PPARG: variants seen among roughly 807,000 people sequenced by gnomAD.
The protein encoded by PPARG is peroxisome proliferator activated receptor gamma.
Under a neutral mutation model 39.2 loss-of-function variants are expected in PPARG, and 17 were observed. The ratio of observed to expected loss-of-function variants is 0.43; its 90% CI spans 0.30 to 0.65. PPARG has a LOEUF of 0.65. Ranked by LOEUF, PPARG falls within the 30% of genes least tolerant of loss-of-function variation. The pLI, the probability that PPARG is intolerant of heterozygous loss-of-function variation, is 0.13. For missense variants in PPARG, 406 were observed against 585.9 expected, an observed-to-expected ratio of 0.69 and a Z score of 3.17; for synonymous variants, 223 against 215.7, an observed-to-expected ratio of 1.03 and a Z score of -0.30.
intron 2 of PPARG, among the ~76,000 whole-genome samples, chr3:12,367,488 C>T (rs575997049): frequency 3.3e-5 from 5 of 152,080 alleles, no homozygotes; most frequent in African/African-American, 7.2e-5. Flanking sequence ...TGTCCTGATA[C>T]CTCAGGACCA....
intron 2 of PPARG, among the ~76,000 whole-genome samples, chr3:12,371,504 C>T (rs1039171647): frequency 1.5e-4 from 23 of 152,156 alleles, no homozygotes; most frequent in East Asian, 5.8e-4. Flanking sequence ...TTTAGTTCTT[C>T]GCATTTTATT....
At chr3:12,423,994 T>G (rs1264835705) in intron 7 of PPARG, among the ~76,000 whole-genome samples, 2 of 152,222 alleles carry the variant, frequency 1.3e-5, no homozygotes, top group Non-Finnish European at 2.9e-5. Flanking sequence ...TCTGCCTAGC[T>G]TCTGAGGCTC....
At chr3:12,366,759 G>T (rs565274337) in intron 2 of PPARG, among the ~76,000 whole-genome samples, 1 of 152,126 alleles carries the variant, frequency 6.6e-6, no homozygotes, top group Non-Finnish European at 1.5e-5. Context: ...CTTGGCCATG[G>T]TGTATAATTC....
chr3:12,412,941 A>G (rs185249638), intron 6 of PPARG, among the ~76,000 whole-genome samples: 94 of 152,312 alleles, frequency 6.2e-4, no homozygotes, highest in Non-Finnish European at 8.8e-5. Flanking sequence ...CTAGAAGTGT[A>G]AAATCATTAA....
intron 2 of PPARG, among the ~76,000 whole-genome samples, chr3:12,334,324 G>A (rs1264591582): frequency 1.3e-5 from 2 of 151,012 alleles, no homozygotes; most frequent in African/African-American, 4.9e-5. Context: ...TCTGCCTCCC[G>A]GGTTCAAACA....
At chr3:12,397,318 A>G (rs1192013731) in intron 5 of PPARG, among the ~76,000 whole-genome samples, 2 of 150,880 alleles carry the variant, frequency 1.3e-5, no homozygotes, top group African/African-American at 4.8e-5. Context: ...TCTAGTGTAT[A>G]TTGAGAAAAG....
At chr3:12,411,297 T>A (rs1296415289) in intron 6 of PPARG, among the ~76,000 whole-genome samples, 1 of 152,166 alleles carries the variant, frequency 6.6e-6, no homozygotes, top group Middle Eastern at 3.2e-3. Flanking sequence ...AGAGCTGTGG[T>A]TATGTGCTAG....
intron 2 of PPARG, chr3:12,351,564 A>G (rs575440954): frequency 6.6e-7 from 1 of 1,523,122 alleles, no homozygotes; most frequent in Non-Finnish European, 9.1e-7. Flanking sequence ...ATCAGTGTGA[A>G]TTACAGCAAA....
chr3:12,314,445 G>C (rs1163225202), intron 2 of PPARG, among the ~76,000 whole-genome samples: 19 of 152,066 alleles, frequency 1.2e-4, no homozygotes, highest in Admixed American at 1.2e-3. Flanking sequence ...ACATGATCAA[G>C]GTCAATATCA....
intron 1 of PPARG, among the ~76,000 whole-genome samples, chr3:12,307,097 C>CAAAAAA (rs11323214): frequency 2.4e-5 from 2 of 83,892 alleles, no homozygotes; most frequent in Non-Finnish European, 4.4e-5. Flanking sequence ...GACTCCGTCT[C>CAAAAAA]AAAAAAAAAA....
intron 1 of PPARG, among the ~76,000 whole-genome samples, chr3:12,304,051 A>G (rs2046995776): frequency 1.3e-5 from 2 of 152,400 alleles, no homozygotes; most frequent in South Asian, 2.1e-4. Flanking sequence ...TAAAGCAAGT[A>G]CTATTCTCTA....
chr3:12,348,915 A>G (rs1224783347), intron 2 of PPARG, among the ~76,000 whole-genome samples: 1 of 152,188 alleles, frequency 6.6e-6, no homozygotes, highest in African/African-American at 2.4e-5. Context: ...CCTTCCAATC[A>G]GTATTATAAA....
intron 2 of PPARG, among the ~76,000 whole-genome samples, chr3:12,321,365 T>C (rs2047539512): frequency 6.6e-6 from 1 of 152,196 alleles, no homozygotes; most frequent in South Asian, 2.1e-4. Flanking sequence ...GGAATAAAAG[T>C]AATAGCAACA....
intron 2 of PPARG, among the ~76,000 whole-genome samples, chr3:12,334,282 G>A (rs2047947897): frequency 6.6e-6 from 1 of 150,564 alleles, no homozygotes; most frequent in South Asian, 2.1e-4. Context: ...CCTGGCTGGA[G>A]TGCAGTGGTA....
intron 3 of PPARG, among the ~76,000 whole-genome samples, chr3:12,381,040 T>TA (rs535444760): frequency 7.0e-4 from 106 of 152,342 alleles, no homozygotes; most frequent in African/African-American, 2.4e-3. Flanking sequence ...TGTTGTCTGT[T>TA]ACAGCTGTAG....
chr3:12,320,384 T>C (rs1173885745), intron 2 of PPARG, among the ~76,000 whole-genome samples: 2 of 152,232 alleles, frequency 1.3e-5, no homozygotes, highest in African/African-American at 2.4e-5. Flanking sequence ...CTGGTAATAA[T>C]GTGTTTTCAT....
intron 2 of PPARG, chr3:12,351,370 T>C: frequency 1.7e-6 from 1 of 588,224 alleles, no homozygotes; most frequent in East Asian, 2.8e-5. Flanking sequence ...ACACAACTTT[T>C]TGTCACAGCT....
intron 2 of PPARG, among the ~76,000 whole-genome samples, chr3:12,361,326 T>C (rs1336224863): frequency 2.6e-5 from 4 of 152,226 alleles, no homozygotes; most frequent in Non-Finnish European, 5.9e-5. Flanking sequence ...TGTGTGCTTT[T>C]TCGTTTACTT....
At chr3:12,356,979 C>G (rs1287108010) in intron 2 of PPARG, among the ~76,000 whole-genome samples, 1 of 152,172 alleles carries the variant, frequency 6.6e-6, no homozygotes, top group African/African-American at 2.4e-5. Flanking sequence ...CTGTTCATTG[C>G]TCCCTCTCTC....
Sources: allele counts gnomAD v4.1 joint callset (sites outside exome capture counted in the v4.1 genomes callset), GRCh38; gene constraint gnomAD v4.1.1; transcripts MANE v1.5; gene names NCBI Gene and HGNC (gene_info 2026-07-23, HGNC 2026-07-21).